Variants in C9orf152 observed in about 807,000 individuals in gnomAD.
The protein encoded by C9orf152 is uncharacterized protein C9orf152.
In C9orf152, 8 loss-of-function variants were observed where a neutral mutation model predicts 8.5. The observed-to-expected ratio is 0.94, with a 90% CI of 0.55 to 1.70. The LOEUF is 1.70. C9orf152 is among the 40% of genes most tolerant of loss of function. The probability of loss-of-function intolerance (pLI) is 0.00; values close to 1 mark genes in which losing one functional copy is unlikely to be tolerated. For missense variants in C9orf152, 293 were observed against 286.2 expected (o/e 1.02, Z -0.17); for synonymous variants, 109 against 113.0 (o/e 0.96, Z 0.22).
chr9:110,204,027 T>C (rs1332681850), intron 1 of C9orf152, among the ~76,000 whole-genome samples: 1 of 152,184 alleles, frequency 6.6e-6, no homozygotes, highest in Non-Finnish European at 1.5e-5. Context: ...ACCCTAGGCC[T>C]CCATTTCCTC....
chr9:110,201,774 A>G (rs773168174), intron 1 of C9orf152, among the ~76,000 whole-genome samples: 1 of 152,244 alleles, frequency 6.6e-6, no homozygotes, highest in Non-Finnish European at 1.5e-5. Flanking sequence ...ACAGCAATGA[A>G]CATTGAGACA....
rs1266460251 is a variant in C9orf152 at position 110,207,293 on chromosome 9, G to T, written c.193+94C>A. On this transcript the variant is annotated intron_variant, in intron 1 of 1. Coordinates refer to ENST00000400613, the MANE Select transcript of C9orf152 (RefSeq NM_001012993.3). ...CCCTGCTCTTCCCCACTGGGAGGGAGGGCTGGCAAAGCCCTGGCTCTGCCT... is the reference window on the plus strand; with the variant it reads ...CCCTGCTCTTCCCCACTGGGAGGGATGGCTGGCAAAGCCCTGGCTCTGCCT... 4.3e-6 allele frequency: 6 copies of T among 1,396,554 alleles called. No homozygotes were observed. The African/African-American group carries it at 8.7e-5, about 20-fold the overall frequency. 86.5% of individuals were successfully genotyped at this position (1,396,554 alleles called of 1,614,324 possible). A position where few individuals can be genotyped will look rare whatever the true frequency, so the allele number is the denominator to read the frequency against.
intron 1 of C9orf152, among the ~76,000 whole-genome samples, chr9:110,203,124 C>T (rs758197253): frequency 6.7e-5 from 10 of 150,304 alleles, no homozygotes; most frequent in Admixed American, 3.3e-4. Flanking sequence ...CGGGTTCAAG[C>T]GATTCTCCTG....
intron 1 of C9orf152, among the ~76,000 whole-genome samples, chr9:110,206,379 T>C (rs1431019053): frequency 1.3e-5 from 2 of 152,204 alleles, no homozygotes; most frequent in East Asian, 1.9e-4. Flanking sequence ...GGGATTTAAA[T>C]TGATAAATGT....
At chr9:110,204,499 G>A (rs961520615) in intron 1 of C9orf152, among the ~76,000 whole-genome samples, 4 of 152,012 alleles carry the variant, frequency 2.6e-5, no homozygotes, top group Non-Finnish European at 5.9e-5. Context: ...TCTCTTCCTG[G>A]GTCTTTTTGC....
At chr9:110,206,700 C>T (rs1206438766) in intron 1 of C9orf152, among the ~76,000 whole-genome samples, 3 of 152,226 alleles carry the variant, frequency 2.0e-5, no homozygotes, top group Non-Finnish European at 4.4e-5. Context: ...CTACAAATAA[C>T]CACAGAATCC....
At chr9:110,201,615 C>A (rs972004988) in intron 1 of C9orf152, 141 bp from the exon 2 acceptor site, 11 of 561,210 alleles carry the variant, frequency 2.0e-5, no homozygotes, top group Non-Finnish European at 3.0e-5. Flanking sequence ...CATGTGTACA[C>A]ACACAAGATC....
Position 110,199,643 on chromosome 9 carries a change from T to A in C9orf152, c.*1305A>T, listed in dbSNP as rs1288609115. ...TAATTATTCACAAAAGGAATGACAA[T>A]CCCCAAATTTGAGTGGATTTCTGGG... On this transcript the variant is annotated 3_prime_UTR_variant, in exon 2 of 2. Coordinates refer to ENST00000400613, the MANE Select transcript of C9orf152 (RefSeq NM_001012993.3). The A allele has an allele frequency of 6.6e-6, 1 of 152,078 alleles. No homozygotes were observed. The highest frequency in any genetic ancestry group is 1.5e-5 in the Non-Finnish European group (1 of 68,020). 9.4% of individuals were successfully genotyped at this position (152,078 alleles called of 1,614,324 possible).
At chr9:110,201,973 A>G (rs1837227587) in intron 1 of C9orf152, among the ~76,000 whole-genome samples, 1 of 152,182 alleles carries the variant, frequency 6.6e-6, no homozygotes, top group Admixed American at 6.5e-5. Flanking sequence ...AAGGCAAGGA[A>G]CAAGAGCACA....
chr9:110,202,329 C>T (rs1380135111), intron 1 of C9orf152, among the ~76,000 whole-genome samples: 1 of 152,178 alleles, frequency 6.6e-6, no homozygotes, highest in Non-Finnish European at 1.5e-5. Flanking sequence ...GTGATCCGCC[C>T]GCCTCAGACT....
rs1479142356 is a variant in C9orf152, at chr9:110,207,665, A to G, written c.-86T>C. 1 of 1,049,378 alleles carries G rather than the reference A, an allele frequency of 9.5e-7. No homozygotes were observed. The highest frequency in any genetic ancestry group is 1.3e-6 in the Non-Finnish European group (1 of 754,914). 65.0% of individuals were successfully genotyped at this position (1,049,378 alleles called of 1,614,324 possible). A position where few individuals can be genotyped will look rare whatever the true frequency, so the allele number is the denominator to read the frequency against. On this transcript the variant is annotated 5_prime_UTR_variant, in exon 1 of 2. Transcript: ENST00000400613. ...AGGGAGGGGGCAGTGAGGGAGAAGGAGAAGTGACGGGCAAAAGGAGGGTGG... is the reference window on the plus strand; with the variant it reads ...AGGGAGGGGGCAGTGAGGGAGAAGGGGAAGTGACGGGCAAAAGGAGGGTGG...
intron 1 of C9orf152, among the ~76,000 whole-genome samples, chr9:110,205,253 C>G (rs912766059): frequency 6.6e-6 from 1 of 152,220 alleles, no homozygotes; most frequent in Non-Finnish European, 1.5e-5. Flanking sequence ...AAGTTCATCT[C>G]TCTCTACAAA....
chr9:110,204,314 T>TGCAA (rs1045056943), intron 1 of C9orf152, among the ~76,000 whole-genome samples: 2 of 152,208 alleles, frequency 1.3e-5, no homozygotes, highest in African/African-American at 4.8e-5. Flanking sequence ...TACTTGTAAC[T>TGCAA]GCATTTCCAG....
chr9:110,205,246 T>C (rs1303837363), intron 1 of C9orf152, among the ~76,000 whole-genome samples: 1 of 152,140 alleles, frequency 6.6e-6, no homozygotes, highest in East Asian at 1.9e-4. Flanking sequence ...CAAAAACAAG[T>C]TCATCTCTCT....
At position 110,201,134 on chromosome 9, in the gene C9orf152, A is replaced by C. The variant is rs1371820560; in HGVS notation, c.534T>G (p.Leu178=). 3 of 1,614,196 alleles carry C rather than the reference A, an allele frequency of 1.9e-6. No individual in the cohort carries two copies. Among genetic ancestry groups the C allele is most frequent in the South Asian group, 2.2e-5 (2 of 91,088 alleles). ...TTTGGGTATTGCCCACCTGGCATGG[A>C]AGCTGGGCAGCCTCTGGGATTCCGG... ...QGTGIPEAAQ[L]PCQVGNTQTK... The change falls in exon 2 of 2, where the codon CTT becomes CTG. Residue 178 remains leucine, a synonymous_variant. Transcript: ENST00000400613.
Position 110,201,436 on chromosome 9 carries a change from C to A in C9orf152, c.232G>T (p.Ala78Ser). The A allele has an allele frequency of 1.3e-6, 2 of 1,525,054 alleles. No individual in the cohort carries two copies. Among genetic ancestry groups the A allele is most frequent in the Non-Finnish European group, 8.7e-7 (1 of 1,143,884 alleles). The allele number at this position is 1,525,054 out of a possible 1,614,324, so 94.5% of individuals were successfully genotyped here. The change falls in exon 2 of 2, where the codon GCT becomes TCT. Residue 78 changes from alanine to serine, a missense_variant. Coordinates refer to ENST00000400613, the MANE Select transcript of C9orf152 (RefSeq NM_001012993.3). Reference sequence around the variant, plus strand: ...CTTCTCTCCTTGTTAATCCAAACAGCATTGACCATCGATTCTGCAGGAGCA... The same window carrying A: ...CTTCTCTCCTTGTTAATCCAAACAGAATTGACCATCGATTCTGCAGGAGCA... ...TPAPAESMVN[A>S]VWINKERRSS...
chr9:110,202,481 C>T (rs886140739), intron 1 of C9orf152, among the ~76,000 whole-genome samples: 3 of 152,228 alleles, frequency 2.0e-5, no homozygotes, highest in East Asian at 1.9e-4. Flanking sequence ...CATTATCCTT[C>T]TCCTAGTCCA....
chr9:110,204,237 C>T (rs1837250929), intron 1 of C9orf152, among the ~76,000 whole-genome samples: 1 of 152,170 alleles, frequency 6.6e-6, no homozygotes, highest in Non-Finnish European at 1.5e-5. Flanking sequence ...AATTGGGGCT[C>T]CACAGACTTC....
In C9orf152 at chr9:110,207,892, G is replaced by A. The variant is rs4978417; in HGVS notation, c.-313C>T. 0.61 allele frequency: 174,055 copies of A among 283,600 alleles called. 55,184 individuals are homozygous for A. The highest frequency in any genetic ancestry group is 0.95 in the East Asian group (10,127 of 10,620). The allele number at this position is 283,600 out of a possible 1,614,324, so 17.6% of individuals were successfully genotyped here. A position where few individuals can be genotyped will look rare whatever the true frequency, so the allele number is the denominator to read the frequency against. On this transcript the variant is annotated 5_prime_UTR_variant, in exon 1 of 2. Coordinates refer to ENST00000400613, the MANE Select transcript of C9orf152 (RefSeq NM_001012993.3). Reference sequence around the variant, plus strand: ...GAGGAAGGAGGTGATAGTGACAAGCGGGGATTAATGGGGCGAGAGAAGAAA... The same window carrying A: ...GAGGAAGGAGGTGATAGTGACAAGCAGGGATTAATGGGGCGAGAGAAGAAA...
Sources: allele counts gnomAD v4.1 joint callset (sites outside exome capture counted in the v4.1 genomes callset), GRCh38; gene constraint gnomAD v4.1.1; transcripts MANE v1.5; gene names NCBI Gene and HGNC (gene_info 2026-07-23, HGNC 2026-07-21).